MALRD1: variants seen among roughly 807,000 people sequenced by gnomAD.
MALRD1 encodes the protein MAM and LDL-receptor class A domain-containing protein 1.
MALRD1 carries 247 observed loss-of-function variants against 242.1 expected under a neutral mutation model. The ratio of observed to expected loss-of-function variants is 1.02; its 90% CI spans 0.92 to 1.13. The LOEUF is 1.13. Among genes scored for constraint, MALRD1 ranks in the 50% most tolerant of loss-of-function variants. The probability of loss-of-function intolerance (pLI) is 0.00; values close to 1 mark genes in which losing one functional copy is unlikely to be tolerated. For synonymous variants in MALRD1, 995 were observed against 866.6 expected (o/e 1.15, Z -2.60); for missense variants, 2,989 against 2,533.1 (o/e 1.18, Z -3.86).
intron 29 of MALRD1, among the ~76,000 whole-genome samples, chr10:19,480,055 C>A (rs1341069233): frequency 2.6e-5 from 4 of 152,128 alleles, no homozygotes; most frequent in Admixed American, 2.0e-4. Context: ...GACCACAGGA[C>A]CCAAAATAGC....
chr10:19,308,313 T>G (rs996360272), intron 21 of MALRD1, among the ~76,000 whole-genome samples: 5 of 151,522 alleles, frequency 3.3e-5, no homozygotes, highest in Admixed American at 2.6e-4. Context: ...CAAGCATTTA[T>G]CACGGCTTTG....
intron 31 of MALRD1, among the ~76,000 whole-genome samples, chr10:19,519,250 T>A (rs148991774): frequency 6.6e-6 from 1 of 150,706 alleles, no homozygotes; most frequent in Non-Finnish European, 1.5e-5. Flanking sequence ...TGAATATCAG[T>A]TTTTTTCTCA....
intron 24 of MALRD1, among the ~76,000 whole-genome samples, chr10:19,338,596 T>C (rs1188302840): frequency 6.6e-6 from 1 of 151,334 alleles, no homozygotes; most frequent in African/African-American, 2.4e-5. Context: ...TGAGAAGAGA[T>C]TTGGGTGGGG....
intron 28 of MALRD1, among the ~76,000 whole-genome samples, chr10:19,435,162 A>G (rs1196577977): frequency 2.0e-5 from 3 of 149,970 alleles, no homozygotes; most frequent in Non-Finnish European, 3.0e-5. Flanking sequence ...TATCCTATTT[A>G]TATATAGAGA....
intron 26 of MALRD1, among the ~76,000 whole-genome samples, chr10:19,386,995 T>G (rs989346265): frequency 6.6e-6 from 1 of 152,150 alleles, no homozygotes; most frequent in African/African-American, 2.4e-5. Flanking sequence ...TAAATATGCA[T>G]TTTAGAGAAA....
intron 18 of MALRD1, among the ~76,000 whole-genome samples, chr10:19,225,598 T>C (rs1241303366): frequency 2.6e-5 from 4 of 152,118 alleles, no homozygotes; most frequent in Non-Finnish European, 5.9e-5. Context: ...TCAGTATCAT[T>C]TTCTTTCTAA....
At chr10:19,269,543 C>G (rs1019163726) in intron 19 of MALRD1, among the ~76,000 whole-genome samples, 3 of 152,240 alleles carry the variant, frequency 2.0e-5, no homozygotes, top group Non-Finnish European at 4.4e-5. Context: ...CAGTCCTTGT[C>G]ATGCCTCAGT....
At chr10:19,579,501 T>C (rs995999744) in intron 33 of MALRD1, among the ~76,000 whole-genome samples, 1 of 152,180 alleles carries the variant, frequency 6.6e-6, no homozygotes, top group African/African-American at 2.4e-5. Context: ...TCTGATTATG[T>C]TTTGGTACCA....
Position 19,108,688 on chromosome 10 carries a change from A to AT in MALRD1, c.694+4615dup, listed in dbSNP as rs1187020395. ...CGCCTCGGCCTCCCAAAGTGCTGGGATTACAGGCGTGAGCCACCGCGCCCG... is the reference window on the plus strand; with the variant it reads ...CGCCTCGGCCTCCCAAAGTGCTGGGATTTACAGGCGTGAGCCACCGCGCCCG... On this transcript the variant is annotated intron_variant, in intron 5 of 39. Coordinates refer to ENST00000454679, the MANE Select transcript of MALRD1 (RefSeq NM_001142308.3). 1.4e-3 allele frequency among the ~76,000 whole-genome samples: 37 copies of AT among 26,714 alleles called. 12 individuals are homozygous for AT. Among genetic ancestry groups the AT allele is most frequent in the African/African-American group, 2.9e-3 (6 of 2,042 alleles). The allele number at this position is 26,714 out of a possible 152,430, so 17.5% of individuals were successfully genotyped here.
At position 19,360,532 on chromosome 10, in the gene MALRD1, A is replaced by G. The variant is rs1564593535; in HGVS notation, c.4441+8235A>G. 2.6e-5 allele frequency among the ~76,000 whole-genome samples: 4 copies of G among 151,988 alleles called. No individual in the cohort carries two copies. The South Asian group carries it at 8.3e-4, about 31-fold the overall frequency. ...CTCACTCTCATTCCCAAATTCCTCT[A>G]TTGCTGGTGATAACTATATTTTACC... is the stretch of plus-strand genomic sequence containing the variant. On this transcript the variant is annotated intron_variant, in intron 26 of 39. Coordinates refer to ENST00000454679, the MANE Select transcript of MALRD1 (RefSeq NM_001142308.3).
chr10:19,414,380 G>C lies in MALRD1; in HGVS notation c.4845+24771G>C, dbSNP rs187086973. On this transcript the variant is annotated intron_variant, in intron 28 of 39. Transcript: ENST00000454679. ...ATATATTGTTAAGTAAGTGGTTTGTGACTCAGAATTGGGAAACCAAGGAAA... is the reference window on the plus strand; with the variant it reads ...ATATATTGTTAAGTAAGTGGTTTGTCACTCAGAATTGGGAAACCAAGGAAA... Among the ~76,000 whole-genome samples, 845 of 152,258 alleles carry C rather than the reference G, an allele frequency of 5.5e-3. 7 individuals are homozygous for C. The highest frequency in any genetic ancestry group is 9.4e-3 in the Non-Finnish European group (638 of 68,010).
At chr10:19,379,973 ATTT>A (rs35629873) in intron 26 of MALRD1, among the ~76,000 whole-genome samples, 4 of 130,590 alleles carry the variant, frequency 3.1e-5, no homozygotes, top group Admixed American at 7.7e-5. Flanking sequence ...TTTTTATTTA[ATTT>A]TTTTTTTTTT....
At chr10:19,447,629 A>G (rs987958319) in intron 28 of MALRD1, among the ~76,000 whole-genome samples, 1 of 152,208 alleles carries the variant, frequency 6.6e-6, no homozygotes, top group African/African-American at 2.4e-5. Flanking sequence ...GTGGCTTTAT[A>G]AACTGCAGAG....
At chr10:19,605,973 A>C (rs1838599567) in intron 34 of MALRD1, among the ~76,000 whole-genome samples, 1 of 152,210 alleles carries the variant, frequency 6.6e-6, no homozygotes, top group Non-Finnish European at 1.5e-5. Flanking sequence ...CTTAGGAAGA[A>C]TTGCTCAATA....
intron 38 of MALRD1, among the ~76,000 whole-genome samples, chr10:19,720,600 G>A (rs1321383717): frequency 6.6e-6 from 1 of 152,040 alleles, no homozygotes; most frequent in Non-Finnish European, 1.5e-5. Context: ...TCCATTTCAC[G>A]AACTCTCCGT....
intron 21 of MALRD1, among the ~76,000 whole-genome samples, chr10:19,283,858 C>T (rs961665963): frequency 1.3e-5 from 2 of 152,198 alleles, no homozygotes; most frequent in East Asian, 3.8e-4. Flanking sequence ...AGAGTGCCTA[C>T]TGTGTGAGAA....
chr10:19,522,738 T>C (rs1207268854), intron 31 of MALRD1, among the ~76,000 whole-genome samples: 1 of 152,146 alleles, frequency 6.6e-6, no homozygotes, highest in African/African-American at 2.4e-5. Flanking sequence ...ATATGAGACA[T>C]AGTAGGGATT....
At chr10:19,089,380 G>A (rs1280803316) in intron 4 of MALRD1, among the ~76,000 whole-genome samples, 1 of 49,094 alleles carries the variant, frequency 2.0e-5, no homozygotes, top group Non-Finnish European at 3.7e-5. Context: ...CTGCATAAAT[G>A]TCTTCTTTTG....
intron 33 of MALRD1, among the ~76,000 whole-genome samples, chr10:19,577,977 T>C (rs1836914238): frequency 6.6e-6 from 1 of 152,140 alleles, no homozygotes; most frequent in Admixed American, 6.6e-5. Flanking sequence ...CCCTGTTTTG[T>C]TCTCTTGGGC....
Sources: allele counts gnomAD v4.1 joint callset (sites outside exome capture counted in the v4.1 genomes callset), GRCh38; gene constraint gnomAD v4.1.1; transcripts MANE v1.5; gene names NCBI Gene and HGNC (gene_info 2026-07-23, HGNC 2026-07-21).